PIK3C3: variants seen among roughly 807,000 people sequenced by gnomAD.
The protein encoded by PIK3C3 is phosphatidylinositol 3-kinase catalytic subunit type 3, also known as PI3-kinase type 3.
A neutral mutation model predicts 126.1 loss-of-function variants in PIK3C3; 95 were observed. The ratio of observed to expected loss-of-function variants is 0.75; its 90% CI spans 0.64 to 0.89. The LOEUF is 0.89. Among genes scored for constraint, PIK3C3 ranks in the 40% least tolerant of loss-of-function variants. The probability of loss-of-function intolerance (pLI) is 0.00; values close to 1 mark genes in which losing one functional copy is unlikely to be tolerated. For synonymous variants in PIK3C3, 374 were observed against 360.0 expected (o/e 1.04, Z -0.44); for missense variants, 829 against 1,063.2 (o/e 0.78, Z 3.06).
At chr18:41,983,727 C>G (rs1375433044) in intron 4 of PIK3C3, among the ~76,000 whole-genome samples, 1 of 152,096 alleles carries the variant, frequency 6.6e-6, no homozygotes, top group East Asian at 1.9e-4. Flanking sequence ...GCAAGTTGGC[C>G]TACTTTTGGC....
chr18:42,080,648 T>TA (rs1264623102), intron 24 of PIK3C3, among the ~76,000 whole-genome samples: 5 of 152,322 alleles, frequency 3.3e-5, no homozygotes, highest in Admixed American at 3.3e-4. Flanking sequence ...AGCTCTTCAC[T>TA]AGGCCTCTCG....
intron 6 of PIK3C3, among the ~76,000 whole-genome samples, chr18:41,991,394 T>C (rs1981770735): frequency 6.6e-6 from 1 of 152,076 alleles, no homozygotes; most frequent in Non-Finnish European, 1.5e-5. Context: ...TATGCATAGT[T>C]TGAAACCACA....
In PIK3C3 at chr18:41,956,548, C is replaced by CTTTTT. The variant is rs57601171; in HGVS notation, c.69-1004_69-1000dup. Among the ~76,000 whole-genome samples the CTTTTT allele has an allele frequency of 2.1e-3, 209 of 100,236 alleles. 3 individuals carry two copies. The highest frequency in any genetic ancestry group is 7.9e-3 in the African/African-American group (190 of 23,962). 65.8% of individuals were successfully genotyped at this position (100,236 alleles called of 152,430 possible). A position where few individuals can be genotyped will look rare whatever the true frequency, so the allele number is the denominator to read the frequency against. On this transcript the variant is annotated intron_variant, in intron 1 of 24. Coordinates refer to ENST00000262039, the MANE Select transcript of PIK3C3 (RefSeq NM_002647.4). ...AAGAAAAAGCCAAAAAAACCGGTCCCTTTTTTTTTTTTTTTTTTTTTTGGA... is the reference window on the plus strand; with the variant it reads ...AAGAAAAAGCCAAAAAAACCGGTCCCTTTTTTTTTTTTTTTTTTTTTTTTTTTGGA...
chr18:41,959,430 A>C (rs1354444289), intron 2 of PIK3C3, among the ~76,000 whole-genome samples: 1 of 152,188 alleles, frequency 6.6e-6, no homozygotes, highest in Non-Finnish European at 1.5e-5. Context: ...TAAATTGTGA[A>C]AGTACTGGAA....
At position 42,020,610 on chromosome 18, in the gene PIK3C3, T is replaced by C. The variant is rs757102642; in HGVS notation, c.1417-28T>C. ...CCCCCATTACTAGTAGATGATAATA[T>C]ATAATACATTTCTTTTAATTCTTTC... On this transcript the variant is annotated intron_variant, in intron 12 of 24. Coordinates refer to ENST00000262039, the MANE Select transcript of PIK3C3 (RefSeq NM_002647.4). 97 of 1,471,404 alleles carry C rather than the reference T, an allele frequency of 6.6e-5. 1 individual carries two copies. The South Asian group carries it at 1.1e-3, about 17-fold the overall frequency. The allele number at this position is 1,471,404 out of a possible 1,614,324, so 91.1% of individuals were successfully genotyped here.
At chr18:42,006,572 A>G (rs1982555746) in intron 10 of PIK3C3, among the ~76,000 whole-genome samples, 1 of 152,144 alleles carries the variant, frequency 6.6e-6, no homozygotes, top group African/African-American at 2.4e-5. Context: ...TCATGAACAT[A>G]AACTCAGGTG....
chr18:42,023,836 C>T (rs1412719141), intron 13 of PIK3C3, among the ~76,000 whole-genome samples: 1 of 152,138 alleles, frequency 6.6e-6, no homozygotes, highest in Non-Finnish European at 1.5e-5. Flanking sequence ...TGTGCTGTTT[C>T]CTTTGAACAC....
At chr18:41,967,246 G>C (rs993185113) in intron 3 of PIK3C3, among the ~76,000 whole-genome samples, 1 of 151,986 alleles carries the variant, frequency 6.6e-6, no homozygotes, top group African/African-American at 2.4e-5. Context: ...CTACTTCCTT[G>C]CATGGTGCTG....
intron 3 of PIK3C3, among the ~76,000 whole-genome samples, chr18:41,964,558 C>G (rs1388833640): frequency 2.6e-5 from 4 of 151,908 alleles, no homozygotes; most frequent in African/African-American, 9.6e-5. Flanking sequence ...TTATAATGAC[C>G]TTAATAAATA....
intron 24 of PIK3C3, among the ~76,000 whole-genome samples, chr18:42,074,855 A>G (rs1020916365): frequency 6.6e-6 from 1 of 151,984 alleles, no homozygotes; most frequent in Non-Finnish European, 1.5e-5. Flanking sequence ...ATGTTCCCTC[A>G]TACGTGCCAG....
chr18:42,034,105 AT>A, intron 16 of PIK3C3, 148 bp downstream of exon 16: 1 of 478,226 alleles, frequency 2.1e-6, no homozygotes, highest in South Asian at 5.1e-5. Context: ...GGTACCTTTT[AT>A]TTATCAGTGT....
chr18:41,966,198 T>TTTTC (rs1568112582), intron 3 of PIK3C3, among the ~76,000 whole-genome samples: 3 of 143,614 alleles, frequency 2.1e-5, no homozygotes, highest in Admixed American at 7.2e-5. Context: ...TTTTTTTTTT[T>TTTTC]TTGAGATGGA....
chr18:42,062,216 G>A (rs1446541923), intron 22 of PIK3C3, among the ~76,000 whole-genome samples: 1 of 151,650 alleles, frequency 6.6e-6, no homozygotes, highest in Non-Finnish European at 1.5e-5. Context: ...TACGAATGAT[G>A]GAGAGTTAGT....
At chr18:42,080,990 T>C (rs1986226423) in intron 24 of PIK3C3, 133 bp from the exon 25 acceptor site, 1 of 577,832 alleles carries the variant, frequency 1.7e-6, no homozygotes. Context: ...GCAATCCTCT[T>C]GGTAGCATTT....
intron 10 of PIK3C3, among the ~76,000 whole-genome samples, chr18:42,007,965 CTGTT>C (rs1000177353): frequency 2.0e-4 from 31 of 152,230 alleles, no homozygotes; most frequent in African/African-American, 6.7e-4. Context: ...CTCCCTGTCT[CTGTT>C]TGTTCTTTTC....
intron 16 of PIK3C3, among the ~76,000 whole-genome samples, chr18:42,034,945 C>G (rs1280692831): frequency 6.6e-6 from 1 of 152,126 alleles, no homozygotes; most frequent in Non-Finnish European, 1.5e-5. Context: ...GCTCATATGA[C>G]TAAAACATAA....
chr18:41,962,657 G>A (rs1209004348), intron 3 of PIK3C3, 25 bp downstream of exon 3: 2 of 1,600,018 alleles, frequency 1.2e-6, no homozygotes, highest in Non-Finnish European at 1.7e-6. Context: ...GGTCTCATCT[G>A]TAGGAGTGTA....
At chr18:41,963,998 G>C (rs1017726208) in intron 3 of PIK3C3, among the ~76,000 whole-genome samples, 4 of 151,818 alleles carry the variant, frequency 2.6e-5, no homozygotes, top group African/African-American at 9.7e-5. Context: ...TTATTATCTT[G>C]AATCTATCAG....
chr18:41,994,424 G>A (rs554664191), intron 7 of PIK3C3, among the ~76,000 whole-genome samples: 1 of 152,258 alleles, frequency 6.6e-6, no homozygotes, highest in Admixed American at 6.5e-5. Flanking sequence ...TTTGTTAAAT[G>A]CAGAAACACA....
Sources: gnomAD v4.1 joint callset for allele counts (sites outside exome capture counted in the v4.1 genomes callset) on GRCh38, gnomAD v4.1.1 for gene constraint, MANE v1.5 for transcripts, NCBI Gene and HGNC (gene_info 2026-07-23, HGNC 2026-07-21) for gene names.